Variants in GYPE observed in about 807,000 individuals in gnomAD.
GYPE encodes the protein glycophorin-E.
A neutral mutation model predicts 11.6 loss-of-function variants in GYPE; 8 were observed. The ratio of observed to expected loss-of-function variants is 0.69; its 90% confidence interval spans 0.41 to 1.25. GYPE has a LOEUF of 1.25. Ranked by LOEUF, GYPE falls within the 50% of genes most tolerant of loss-of-function variation. The pLI is 0.01. For synonymous variants in GYPE, 28 were observed against 29.6 expected (o/e 0.94, Z 0.18); for missense variants, 90 against 92.8 (o/e 0.97, Z 0.12).
chr4:143,879,480 T>C (rs905377989), intron 2 of GYPE, among the ~76,000 whole-genome samples: 4 of 152,140 alleles, frequency 2.6e-5, no homozygotes, highest in South Asian at 2.1e-4. Flanking sequence ...GGGTGGTATA[T>C]GGGCTTTGGA....
intron 1 of GYPE, among the ~76,000 whole-genome samples, chr4:143,891,575 G>A (rs116753663): frequency 0.028 from 4,214 of 151,940 alleles, 93 homozygotes; most frequent in Non-Finnish European, 0.043. Context: ...TGATCCACCC[G>A]CCTCAGCTTC....
intron 1 of GYPE, among the ~76,000 whole-genome samples, chr4:143,897,787 A>T (rs954143538): frequency 2.2e-4 from 34 of 152,130 alleles, no homozygotes; most frequent in African/African-American, 7.9e-4. Flanking sequence ...AGCTCCAGAA[A>T]GTCTAAGACT....
intron 3 of GYPE, among the ~76,000 whole-genome samples, chr4:143,874,145 G>A (rs565423983): frequency 1.3e-5 from 2 of 151,902 alleles, no homozygotes; most frequent in Non-Finnish European, 2.9e-5. Context: ...AAAGTTAATG[G>A]CTTTTGTTAT....
intron 3 of GYPE, chr4:143,875,325 T>C (rs1743753481): frequency 2.7e-6 from 2 of 741,168 alleles, no homozygotes; most frequent in Non-Finnish European, 4.4e-6. Context: ...TAATTTGTAT[T>C]TTGTTTTATT....
chr4:143,874,755 G>A (rs545656742), intron 3 of GYPE, among the ~76,000 whole-genome samples: 31 of 152,286 alleles, frequency 2.0e-4, no homozygotes, highest in African/African-American at 7.5e-4. Flanking sequence ...GCATCCTGGA[G>A]TCCCTCAGAG....
chr4:143,880,841 G>T (rs1369880127), intron 1 of GYPE, among the ~76,000 whole-genome samples: 1 of 152,072 alleles, frequency 6.6e-6, no homozygotes, highest in Admixed American at 6.6e-5. Context: ...TGTGTATGTG[G>T]TGTGTGTGTA....
intron 1 of GYPE, among the ~76,000 whole-genome samples, chr4:143,895,676 CAA>C (rs1466073739): frequency 7.3e-6 from 1 of 136,278 alleles, no homozygotes; most frequent in African/African-American, 2.7e-5. Flanking sequence ...CATATGGAAC[CAA>C]AAAAGAGCCC....
At chr4:143,890,028 A>G (rs1331830311) in intron 1 of GYPE, among the ~76,000 whole-genome samples, 1 of 152,208 alleles carries the variant, frequency 6.6e-6, no homozygotes, top group Non-Finnish European at 1.5e-5. Flanking sequence ...GAGAGATTAA[A>G]TTCTCACCAA....
chr4:143,875,366 G>T, intron 3 of GYPE: 1 of 1,067,952 alleles, frequency 9.4e-7, no homozygotes, highest in Non-Finnish European at 1.4e-6. Flanking sequence ...ACAGTAATAG[G>T]CAGGAGAACA....
chr4:143,878,722 C>A (rs1560938492), intron 2 of GYPE: 2 of 470,060 alleles, frequency 4.3e-6, no homozygotes, highest in Non-Finnish European at 8.8e-6. Context: ...GTAAGACGTG[C>A]AAAGAAAAAA....
chr4:143,882,606 C>A (rs937646056), intron 1 of GYPE, among the ~76,000 whole-genome samples: 23 of 152,152 alleles, frequency 1.5e-4, no homozygotes, highest in Admixed American at 2.0e-4. Context: ...TAACAATAAA[C>A]TTGAGATCAG....
At position 143,893,110 on chromosome 4, in the gene GYPE, T is replaced by A. The variant is rs1744477509; in HGVS notation, c.37+12361A>T. Among the ~76,000 whole-genome samples the A allele has an allele frequency of 8.8e-5, 2 of 22,786 alleles. 1 individual carries two copies. The highest frequency in any genetic ancestry group is 1.4e-3 in the Admixed American group (2 of 1,404). 14.9% of individuals were successfully genotyped at this position (22,786 alleles called of 152,430 possible). On this transcript the variant is annotated intron_variant, in intron 1 of 3. Transcript: ENST00000358615. ...GATCTTTGTTGGTTTAAAGTCTGTT[T>A]TATCAGAGACTAGGATTTCAACCCC...
rs563237928 is a variant in GYPE at position 143,889,177 on chromosome 4, C to T, written c.38-8668G>A. On this transcript the variant is annotated intron_variant, in intron 1 of 3. Transcript: ENST00000358615. ...TTATTCTATCTCGAAGGTGTTGTGG[C>T]CTAGGAGGACTGCAGCTTCCCTTCA... 1.0e-3 allele frequency among the ~76,000 whole-genome samples: 159 copies of T among 151,760 alleles called. 3 individuals are homozygous for T. The highest frequency in any genetic ancestry group is 9.2e-3 in the Admixed American group (140 of 15,246).
At chr4:143,875,332 T>C in intron 3 of GYPE, 3 of 778,114 alleles carry the variant, frequency 3.9e-6, no homozygotes, top group East Asian at 2.7e-5. Flanking sequence ...TATTTTGTTT[T>C]ATTTTTATTT....
At chr4:143,896,949 C>T (rs1261181457) in intron 1 of GYPE, among the ~76,000 whole-genome samples, 1 of 150,366 alleles carries the variant, frequency 6.7e-6, no homozygotes, top group Non-Finnish European at 1.5e-5. Context: ...TAGATGGGAA[C>T]TGAACAATGA....
At chr4:143,879,810 G>A (rs1314989677) in intron 2 of GYPE, among the ~76,000 whole-genome samples, 1 of 152,092 alleles carries the variant, frequency 6.6e-6, no homozygotes, top group East Asian at 1.9e-4. Flanking sequence ...AGCAGCTCCA[G>A]AATTTCTTCT....
chr4:143,875,524 C>T (rs1743762014), intron 3 of GYPE: 2 of 1,550,482 alleles, frequency 1.3e-6, no homozygotes, highest in Admixed American at 2.0e-5. Context: ...GATAAAAAGA[C>T]AGAAGTTTCC....
intron 1 of GYPE, among the ~76,000 whole-genome samples, chr4:143,904,009 T>C (rs1351399135): frequency 6.6e-6 from 1 of 152,160 alleles, no homozygotes; most frequent in Non-Finnish European, 1.5e-5. Flanking sequence ...ACTTCAAATA[T>C]ATGAATACAT....
chr4:143,894,506 A>G (rs7666447), intron 1 of GYPE, among the ~76,000 whole-genome samples: 140,941 of 151,840 alleles, frequency 0.93, 66,359 homozygotes, highest in East Asian at 1. Flanking sequence ...TGTCCTTTCT[A>G]TTTGTTAGTT....
Sources: allele counts gnomAD v4.1 joint callset (sites outside exome capture counted in the v4.1 genomes callset), GRCh38; gene constraint gnomAD v4.1.1; transcripts MANE v1.5; gene names NCBI Gene and HGNC (gene_info 2026-07-23, HGNC 2026-07-21).